Variants in GABRB1 observed in about 807,000 individuals in gnomAD.
GABRB1 encodes the protein gamma-aminobutyric acid receptor subunit beta-1.
GABRB1 carries 17 observed loss-of-function variants against 51.6 expected under a neutral mutation model. The ratio of observed to expected loss-of-function variants is 0.33; its 90% CI spans 0.23 to 0.49. The LOEUF (loss-of-function observed/expected upper bound fraction) is 0.49. Among genes scored for constraint, GABRB1 ranks in the 20% least tolerant of loss-of-function variants. The pLI is 0.99. For missense variants in GABRB1, 410 were observed against 600.6 expected, an observed-to-expected ratio of 0.68 and a Z score of 3.32; for synonymous variants, 247 against 218.9, an observed-to-expected ratio of 1.13 and a Z score of -1.14.
chr4:47,058,967 G>T (rs1342801795), intron 3 of GABRB1, among the ~76,000 whole-genome samples: 1 of 152,186 alleles, frequency 6.6e-6, no homozygotes, highest in Non-Finnish European at 1.5e-5. Context: ...AATAATCAAT[G>T]CTGAAGTCCA....
chr4:47,333,229 TATATATACAC>T (rs1394251825), intron 5 of GABRB1, among the ~76,000 whole-genome samples: 14 of 26,084 alleles, frequency 5.4e-4, no homozygotes, highest in African/African-American at 3.5e-4. Flanking sequence ...TATATATATA[TATATATACAC>T]ACCACGTATT....
At chr4:47,043,929 A>G (rs961389426) in intron 3 of GABRB1, among the ~76,000 whole-genome samples, 3 of 152,146 alleles carry the variant, frequency 2.0e-5, no homozygotes, top group Non-Finnish European at 4.4e-5. Flanking sequence ...GCATGAGAGA[A>G]CAGGTTTGCT....
At chr4:47,336,816 A>G (rs1428470334) in intron 5 of GABRB1, among the ~76,000 whole-genome samples, 3 of 152,194 alleles carry the variant, frequency 2.0e-5, no homozygotes, top group Non-Finnish European at 4.4e-5. Context: ...GGGATAAGAC[A>G]CAGTCAAAAA....
At chr4:47,337,799 G>C (rs895848299) in intron 5 of GABRB1, among the ~76,000 whole-genome samples, 2 of 107,884 alleles carry the variant, frequency 1.9e-5, no homozygotes, top group African/African-American at 3.9e-5. Context: ...GACAGAGCCA[G>C]ACTCTGTCTA....
intron 3 of GABRB1, among the ~76,000 whole-genome samples, chr4:47,143,287 C>T (rs565582384): frequency 2.6e-5 from 4 of 151,996 alleles, no homozygotes; most frequent in African/African-American, 9.6e-5. Flanking sequence ...CAATGTCCTG[C>T]CAGCAGTGCT....
At chr4:47,322,788 T>C (rs1208590229) in intron 5 of GABRB1, among the ~76,000 whole-genome samples, 2 of 152,044 alleles carry the variant, frequency 1.3e-5, no homozygotes, top group Admixed American at 6.5e-5. Context: ...CTGACAAATA[T>C]GGTGAAACCC....
intron 1 of GABRB1, among the ~76,000 whole-genome samples, chr4:46,998,717 G>C (rs920172987): frequency 1.7e-4 from 22 of 130,530 alleles, no homozygotes. Flanking sequence ...CTGGGCCACT[G>C]AGCAAGACTC....
chr4:47,130,450 C>T (rs553688587), intron 3 of GABRB1, among the ~76,000 whole-genome samples: 1 of 151,994 alleles, frequency 6.6e-6, no homozygotes, highest in Non-Finnish European at 1.5e-5. Context: ...AGTTCCTTCT[C>T]CAACCCAGCC....
chr4:47,049,359 A>G (rs1304274981), intron 3 of GABRB1, among the ~76,000 whole-genome samples: 4 of 152,198 alleles, frequency 2.6e-5, no homozygotes, highest in Admixed American at 1.3e-4. Context: ...GAAGGGGAGA[A>G]GCATGCCAAC....
chr4:47,299,817 A>T (rs1382117680), intron 4 of GABRB1, among the ~76,000 whole-genome samples: 1 of 152,070 alleles, frequency 6.6e-6, no homozygotes, highest in Non-Finnish European at 1.5e-5. Flanking sequence ...ACTATTCACA[A>T]TAGCAAAGAC....
At chr4:47,224,207 T>G (rs1361727632) in intron 4 of GABRB1, among the ~76,000 whole-genome samples, 1 of 152,120 alleles carries the variant, frequency 6.6e-6, no homozygotes, top group Non-Finnish European at 1.5e-5. Flanking sequence ...CAAAGAACCC[T>G]TCCACATTTG....
chr4:47,236,073 T>C (rs551846905), intron 4 of GABRB1, among the ~76,000 whole-genome samples: 57 of 152,144 alleles, frequency 3.7e-4, no homozygotes, highest in Non-Finnish European at 5.3e-4. Context: ...ACAATATGTT[T>C]CAGATGTAGT....
At chr4:47,001,958 C>A (rs778326218) in intron 1 of GABRB1, among the ~76,000 whole-genome samples, 1 of 152,168 alleles carries the variant, frequency 6.6e-6, no homozygotes, top group Non-Finnish European at 1.5e-5. Context: ...CTTTATCTTA[C>A]AACAACTTAT....
intron 4 of GABRB1, among the ~76,000 whole-genome samples, chr4:47,267,480 A>C (rs1722682478): frequency 3.9e-5 from 6 of 152,126 alleles, no homozygotes; most frequent in Admixed American, 3.9e-4. Context: ...TCGAAATGAC[A>C]GTTTCATAGA....
At chr4:47,230,348 A>G (rs1401560749) in intron 4 of GABRB1, among the ~76,000 whole-genome samples, 1 of 152,118 alleles carries the variant, frequency 6.6e-6, no homozygotes, top group Non-Finnish European at 1.5e-5. Flanking sequence ...AGCTGAGATT[A>G]CAAGGTCCCA....
chr4:47,111,968 T>TC (rs1715232083), intron 3 of GABRB1, among the ~76,000 whole-genome samples: 1 of 81,990 alleles, frequency 1.2e-5, no homozygotes, highest in Non-Finnish European at 2.5e-5. Flanking sequence ...AAAGTAGTAT[T>TC]CTTTTTTTTT....
intron 3 of GABRB1, among the ~76,000 whole-genome samples, chr4:47,134,522 A>C (rs1716557938): frequency 6.6e-6 from 1 of 152,186 alleles, no homozygotes. Context: ...TAAGAAAATA[A>C]AGTCAATAAA....
intron 4 of GABRB1, among the ~76,000 whole-genome samples, chr4:47,277,638 A>G (rs1723135207): frequency 6.6e-6 from 1 of 151,994 alleles, no homozygotes; most frequent in Non-Finnish European, 1.5e-5. Flanking sequence ...TATGCCTACT[A>G]TGTGCCCACA....
rs117595862 is a variant in GABRB1, at chr4:47,000,076, T to C, written c.-20+6150T>C. On this transcript the variant is annotated intron_variant, in intron 1 of 3. Transcript: ENST00000513567. ...AGTCAAATTGCAATAAAAACTTCTC[T>C]TTTATCAAAAACTCAGTGACATACT... Among the ~76,000 whole-genome samples the C allele has an allele frequency of 1.0e-3, 156 of 152,326 alleles. 1 individual carries two copies. In the East Asian group the frequency reaches 0.014, roughly 13 times the overall value.
Sources: gnomAD v4.1 joint callset for allele counts (sites outside exome capture counted in the v4.1 genomes callset) on GRCh38, gnomAD v4.1.1 for gene constraint, MANE v1.5 for transcripts, NCBI Gene and HGNC (gene_info 2026-07-23, HGNC 2026-07-21) for gene names.